LRP1B: variants seen among roughly 807,000 people sequenced by gnomAD.
LRP1B encodes the protein low-density lipoprotein receptor-related protein 1B.
Under a neutral mutation model 556.6 loss-of-function variants are expected in LRP1B, and 217 were observed. The observed-to-expected ratio is 0.39, with a 90% CI of 0.35 to 0.44. The LOEUF (loss-of-function observed/expected upper bound fraction) is 0.44, where lower values mean the gene tolerates loss of function less well. Ranked by LOEUF, LRP1B falls within the 20% of genes least tolerant of loss-of-function variation. The pLI is 1.00. For missense variants in LRP1B, 5,053 were observed against 5,620.8 expected (o/e 0.90, Z 3.23); for synonymous variants, 2,047 against 1,865.8 (o/e 1.10, Z -2.50).
chr2:140,643,075 A>T (rs1417377784), intron 41 of LRP1B, among the ~76,000 whole-genome samples: 1 of 152,176 alleles, frequency 6.6e-6, no homozygotes, highest in Non-Finnish European at 1.5e-5. Flanking sequence ...CCTCAATTTC[A>T]AAGAATAAAT....
At chr2:141,539,659 T>C (rs957320272) in intron 2 of LRP1B, among the ~76,000 whole-genome samples, 2 of 152,188 alleles carry the variant, frequency 1.3e-5, no homozygotes, top group Non-Finnish European at 2.9e-5. Context: ...AAGATTCAGA[T>C]AGCAAATATT....
chr2:140,838,604 A>G (rs1273423658), intron 31 of LRP1B, among the ~76,000 whole-genome samples: 1 of 152,174 alleles, frequency 6.6e-6, no homozygotes, highest in East Asian at 1.9e-4. Context: ...TTCTAAAACT[A>G]AGAAAAAATC....
At chr2:142,084,116 A>G (rs1705823194) in intron 1 of LRP1B, among the ~76,000 whole-genome samples, 1 of 151,796 alleles carries the variant, frequency 6.6e-6, no homozygotes, top group Admixed American at 6.6e-5. Context: ...AGTAACTGGG[A>G]CTACAGGTGT....
intron 5 of LRP1B, among the ~76,000 whole-genome samples, chr2:141,243,216 C>A (rs934466204): frequency 3.1e-4 from 47 of 150,360 alleles, no homozygotes; most frequent in African/African-American, 1.1e-3. Context: ...GGTGTCGTGG[C>A]TCACATATGT....
At chr2:140,341,018 A>G (rs1681364607) in intron 77 of LRP1B, among the ~76,000 whole-genome samples, 1 of 151,672 alleles carries the variant, frequency 6.6e-6, no homozygotes, top group Non-Finnish European at 1.5e-5. Flanking sequence ...AAAAGTTAAG[A>G]GAAGCAAATG....
chr2:141,310,598 TTCTCTC>T (rs971724467), intron 3 of LRP1B, among the ~76,000 whole-genome samples: 1 of 151,562 alleles, frequency 6.6e-6, no homozygotes, highest in South Asian at 2.1e-4. Context: ...TTTCTCTCTT[TTCTCTC>T]TCTCTCTCAG....
At chr2:140,777,043 A>G (rs1049814748) in intron 32 of LRP1B, among the ~76,000 whole-genome samples, 4 of 152,202 alleles carry the variant, frequency 2.6e-5, no homozygotes, top group Admixed American at 2.6e-4. Context: ...GTTCTTTCCA[A>G]GACTCCATGA....
chr2:141,601,346 T>C (rs566922020), intron 2 of LRP1B, among the ~76,000 whole-genome samples: 3 of 152,276 alleles, frequency 2.0e-5, no homozygotes, highest in African/African-American at 7.2e-5. Context: ...CTCCATGCTG[T>C]ACCTATAAGT....
chr2:141,599,671 A>G (rs1300475664), intron 2 of LRP1B, among the ~76,000 whole-genome samples: 1 of 152,184 alleles, frequency 6.6e-6, no homozygotes, highest in African/African-American at 2.4e-5. Context: ...ATAAAGATGA[A>G]CTACATTATG....
At chr2:140,712,472 C>T (rs1390207515) in intron 37 of LRP1B, among the ~76,000 whole-genome samples, 1 of 151,938 alleles carries the variant, frequency 6.6e-6, no homozygotes, top group Admixed American at 6.6e-5. Context: ...CCTATTGTTT[C>T]TCCCTTGTCA....
intron 1 of LRP1B, among the ~76,000 whole-genome samples, chr2:141,935,604 C>T (rs985689421): frequency 1.3e-5 from 2 of 151,926 alleles, no homozygotes; most frequent in South Asian, 4.1e-4. Flanking sequence ...CTTATTAATA[C>T]TTGAAATATA....
intron 1 of LRP1B, among the ~76,000 whole-genome samples, chr2:142,002,710 G>A (rs764809486): frequency 1.1e-4 from 17 of 151,874 alleles, no homozygotes; most frequent in Non-Finnish European, 4.4e-5. Flanking sequence ...TCAATTGTGC[G>A]GCTGAAGAGT....
chr2:140,575,751 C>CCCATCT (rs1681496488), intron 43 of LRP1B, among the ~76,000 whole-genome samples: 1 of 151,598 alleles, frequency 6.6e-6, no homozygotes, highest in Non-Finnish European at 1.5e-5. Context: ...ATAGTGAAAC[C>CCCATCT]CCATCTCTAC....
At chr2:141,810,735 T>A (rs1263657130) in intron 1 of LRP1B, among the ~76,000 whole-genome samples, 1 of 152,096 alleles carries the variant, frequency 6.6e-6, no homozygotes, top group Admixed American at 6.6e-5. Flanking sequence ...AGATGTTGAA[T>A]CAAAGCAGAG....
chr2:140,365,580 G>C (rs1682723601), intron 71 of LRP1B, among the ~76,000 whole-genome samples: 1 of 151,500 alleles, frequency 6.6e-6, no homozygotes, highest in Admixed American at 6.6e-5. Flanking sequence ...GTCTTGCTTT[G>C]GATAACTCTA....
At chr2:142,114,090 G>A (rs768511) in intron 1 of LRP1B, among the ~76,000 whole-genome samples, 1 of 152,078 alleles carries the variant, frequency 6.6e-6, no homozygotes, top group Non-Finnish European at 1.5e-5. Flanking sequence ...CCAAGATATA[G>A]AATCCTTATA....
At chr2:141,408,424 G>T (rs796326396) in intron 3 of LRP1B, among the ~76,000 whole-genome samples, 1 of 151,990 alleles carries the variant, frequency 6.6e-6, no homozygotes, top group African/African-American at 2.4e-5. Flanking sequence ...GATTACAGGC[G>T]TGAGCCACCA....
intron 3 of LRP1B, among the ~76,000 whole-genome samples, chr2:141,466,249 T>G (rs770904646): frequency 6.6e-6 from 1 of 152,176 alleles, no homozygotes; most frequent in Non-Finnish European, 1.5e-5. Flanking sequence ...CCAAACCTAT[T>G]CTTTTACTGG....
At position 140,982,160 on chromosome 2, in the gene LRP1B, C is replaced by CAA. The variant is rs1475708466; in HGVS notation, c.2886_2887insTT (p.Glu963LeufsTer9). Reference sequence around the variant, plus strand: ...ATAACATGTCTCACTCACAACTTACCACAAGATGCCATTTCATCTGTCTGG... The same window carrying CAA: ...ATAACATGTCTCACTCACAACTTACCAAACAAGATGCCATTTCATCTGTCTGG... On this transcript the variant is annotated frameshift_variant and splice_region_variant, in exon 18 of 91. Transcript: ENST00000389484. LOFTEE classifies it high-confidence loss of function. 6.2e-7 allele frequency: 1 copy of CAA among 1,610,994 alleles called. No individual in the cohort carries two copies. Among genetic ancestry groups the CAA allele is most frequent in the Non-Finnish European group, 8.5e-7 (1 of 1,177,632 alleles).
Sources: gnomAD v4.1 joint callset for allele counts (sites outside exome capture counted in the v4.1 genomes callset) on GRCh38, gnomAD v4.1.1 for gene constraint, MANE v1.5 for transcripts, NCBI Gene and HGNC (gene_info 2026-07-23, HGNC 2026-07-21) for gene names.